NEBL: variants seen among roughly 807,000 people sequenced by gnomAD.
The protein encoded by NEBL is LIM and SH3 protein 2.
Under a neutral mutation model 140.2 loss-of-function variants are expected in NEBL, and 122 were observed. The observed-to-expected ratio is 0.87, with a 90% CI of 0.75 to 1.01. NEBL has a LOEUF of 1.01. Ranked by LOEUF, NEBL falls within the 50% of genes least tolerant of loss-of-function variation. The pLI is 0.00. For missense variants in NEBL, 1,365 were observed against 1,231.3 expected (o/e 1.11, Z -1.62); for synonymous variants, 436 against 398.9 (o/e 1.09, Z -1.11).
intron 2 of NEBL, among the ~76,000 whole-genome samples, chr10:21,139,893 G>A (rs1839535957): frequency 6.6e-6 from 1 of 150,940 alleles, no homozygotes; most frequent in Non-Finnish European, 1.5e-5. Flanking sequence ...GCTCACGCCT[G>A]TAATCCCAGC....
intron 4 of NEBL, among the ~76,000 whole-genome samples, chr10:20,919,347 C>T (rs930779321): frequency 6.6e-6 from 1 of 152,164 alleles, no homozygotes; most frequent in African/African-American, 2.4e-5. Context: ...CCCTTCTATG[C>T]ACATTGGAAG....
At chr10:20,923,336 G>T (rs564329725) in intron 4 of NEBL, among the ~76,000 whole-genome samples, 1 of 152,058 alleles carries the variant, frequency 6.6e-6, no homozygotes, top group East Asian at 1.9e-4. Context: ...CCAAGTACTG[G>T]GATCATAGGC....
At chr10:20,823,740 T>C (rs1267841643) in intron 18 of NEBL, among the ~76,000 whole-genome samples, 1 of 151,886 alleles carries the variant, frequency 6.6e-6, no homozygotes, top group African/African-American at 2.4e-5. Flanking sequence ...CTTGTCTGAC[T>C]GAGAGCACAT....
chr10:21,047,537 T>TA (rs34064520), intron 2 of NEBL, among the ~76,000 whole-genome samples: 7,681 of 147,082 alleles, frequency 0.052, 288 homozygotes, highest in Admixed American at 0.11. Context: ...AAGCTTTTTT[T>TA]AAAAAAAAAA....
At chr10:21,232,564 A>G (rs1275219738) in intron 3 of NEBL, among the ~76,000 whole-genome samples, 1 of 152,236 alleles carries the variant, frequency 6.6e-6, no homozygotes, top group East Asian at 1.9e-4. Flanking sequence ...ACAGGTCATC[A>G]GGCATTAGAT....
At chr10:21,116,424 C>A (rs192672180) in intron 2 of NEBL, among the ~76,000 whole-genome samples, 14 of 151,984 alleles carry the variant, frequency 9.2e-5, no homozygotes, top group African/African-American at 3.4e-4. Flanking sequence ...AAAGGCCCTA[C>A]TCTCATAACA....
intron 1 of NEBL, among the ~76,000 whole-genome samples, chr10:21,279,514 C>G (rs1019997621): frequency 6.6e-6 from 1 of 151,874 alleles, no homozygotes; most frequent in Non-Finnish European, 1.5e-5. Context: ...TGCCTGTAAT[C>G]TCAGCAGTTT....
chr10:20,850,533 T>A (rs758765570), intron 10 of NEBL, 31 bp from the exon 11 acceptor site: 14 of 1,389,730 alleles, frequency 1.0e-5, no homozygotes, highest in Middle Eastern at 1.9e-4. Flanking sequence ...CATATACAAA[T>A]CGAAAGTCCT....
At chr10:21,022,004 C>T (rs1199545017) in intron 2 of NEBL, among the ~76,000 whole-genome samples, 3 of 152,160 alleles carry the variant, frequency 2.0e-5, no homozygotes, top group Admixed American at 6.5e-5. Context: ...TCAGCGGCCT[C>T]TTATGTTCAC....
chr10:20,916,198 C>T (rs1848549646), intron 4 of NEBL, among the ~76,000 whole-genome samples: 1 of 152,090 alleles, frequency 6.6e-6, no homozygotes, highest in Non-Finnish European at 1.5e-5. Flanking sequence ...AGGCAAGAAC[C>T]ATGGGTTATG....
intron 3 of NEBL, among the ~76,000 whole-genome samples, chr10:21,203,696 T>C (rs1429713144): frequency 6.6e-6 from 1 of 152,138 alleles, no homozygotes; most frequent in East Asian, 1.9e-4. Flanking sequence ...AGTAACCCAA[T>C]AAAAATACAC....
chr10:20,921,091 A>T (rs930769393), intron 4 of NEBL, among the ~76,000 whole-genome samples: 10 of 152,262 alleles, frequency 6.6e-5, no homozygotes, highest in Admixed American at 2.0e-4. Flanking sequence ...ATTCGTGAAT[A>T]GTCTGAGATA....
At chr10:20,812,062 AAAT>A (rs1347909429) in intron 24 of NEBL, among the ~76,000 whole-genome samples, 5 of 152,192 alleles carry the variant, frequency 3.3e-5, no homozygotes, top group Non-Finnish European at 7.3e-5. Flanking sequence ...TCCAGTCCAG[AAAT>A]AATATTTTTA....
chr10:21,239,276 T>A (rs539530682), intron 3 of NEBL, among the ~76,000 whole-genome samples: 1 of 151,848 alleles, frequency 6.6e-6, no homozygotes, highest in East Asian at 1.9e-4. Context: ...CACGTGAAAA[T>A]GAGCTTTGGC....
chr10:21,265,579 A>G (rs1043985532), intron 1 of NEBL, among the ~76,000 whole-genome samples: 5 of 152,220 alleles, frequency 3.3e-5, no homozygotes, highest in Non-Finnish European at 7.3e-5. Flanking sequence ...ATAGTTTATA[A>G]TAGAAGAGAG....
chr10:21,260,325 C>T (rs1652655278), intron 1 of NEBL, among the ~76,000 whole-genome samples: 1 of 152,204 alleles, frequency 6.6e-6, no homozygotes. Context: ...GGAGAAAGCC[C>T]AGGGCCTGTG....
chr10:20,890,972 G>A (rs1846981399), intron 2 of NEBL, among the ~76,000 whole-genome samples: 2 of 152,170 alleles, frequency 1.3e-5, no homozygotes, highest in East Asian at 1.9e-4. Context: ...AAGTGTTCCT[G>A]TTTCAGATGA....
chr10:21,105,459 A>G (rs1411524476), intron 2 of NEBL, among the ~76,000 whole-genome samples: 2 of 151,842 alleles, frequency 1.3e-5, no homozygotes, highest in Non-Finnish European at 2.9e-5. Context: ...TCCTTGTGAT[A>G]GTTTGCTTAG....
At position 20,830,717 on chromosome 10, in the gene NEBL, CA is replaced by C. The variant is rs75947047; in HGVS notation, c.1671+478del. ...GTAGTATTAGCAAAAGCATTTGAGC[CA>C]AGTGTCCAATAGGGTCAAAAAAAAA... is the stretch of plus-strand genomic sequence containing the variant. On this transcript the variant is annotated intron_variant, in intron 16 of 27. Coordinates refer to ENST00000377122, the MANE Select transcript of NEBL (RefSeq NM_006393.3). 2.4e-3 allele frequency among the ~76,000 whole-genome samples: 358 copies of C among 146,408 alleles called. 12 individuals are homozygous for C. The East Asian group carries it at 0.053, about 22-fold the overall frequency.
Sources: gnomAD v4.1 joint callset for allele counts (sites outside exome capture counted in the v4.1 genomes callset) on GRCh38, gnomAD v4.1.1 for gene constraint, MANE v1.5 for transcripts, NCBI Gene and HGNC (gene_info 2026-07-23, HGNC 2026-07-21) for gene names.